RNF150: variants seen among roughly 807,000 people sequenced by gnomAD.
RNF150 encodes ring finger protein 150.
Under a neutral mutation model 39.3 loss-of-function variants are expected in RNF150, and 24 were observed. The ratio of observed to expected loss-of-function variants is 0.61; its 90% CI spans 0.44 to 0.86. The LOEUF is 0.86. RNF150 is among the 40% of genes least tolerant of loss of function. The pLI, the probability that RNF150 is intolerant of heterozygous loss-of-function variation, is 0.00. For synonymous variants in RNF150, 255 were observed against 227.3 expected (o/e 1.12, Z -1.10); for missense variants, 502 against 587.8 (o/e 0.85, Z 1.51).
intron 6 of RNF150, among the ~76,000 whole-genome samples, chr4:140,878,954 C>T (rs139405572): frequency 6.0e-4 from 91 of 152,216 alleles, no homozygotes; most frequent in African/African-American, 2.1e-3. Context: ...GATAAGGGTC[C>T]AATTACTTTC....
chr4:141,115,157 A>T (rs561489516), intron 1 of RNF150, among the ~76,000 whole-genome samples: 2 of 152,082 alleles, frequency 1.3e-5, no homozygotes, highest in African/African-American at 4.8e-5. Context: ...ATCAGGCAAG[A>T]AAAGAAATAA....
chr4:141,163,260 C>T (rs1727545610), intron 1 of RNF150, among the ~76,000 whole-genome samples: 1 of 152,226 alleles, frequency 6.6e-6, no homozygotes, highest in South Asian at 2.1e-4. Context: ...TAGATTCTTC[C>T]TCTCTGGGCA....
intron 1 of RNF150, among the ~76,000 whole-genome samples, chr4:141,022,913 C>A (rs1334704027): frequency 6.6e-6 from 1 of 152,184 alleles, no homozygotes; most frequent in Admixed American, 6.5e-5. Flanking sequence ...CAACTACTTT[C>A]CATCTAAATT....
At chr4:140,972,598 G>A (rs1034493800) in intron 1 of RNF150, among the ~76,000 whole-genome samples, 4 of 152,138 alleles carry the variant, frequency 2.6e-5, no homozygotes, top group African/African-American at 9.7e-5. Context: ...CCCTGCAGCT[G>A]GGTGTGGTGT....
chr4:140,877,699 T>C (rs1054594238), intron 6 of RNF150, among the ~76,000 whole-genome samples: 1 of 152,170 alleles, frequency 6.6e-6, no homozygotes, highest in Non-Finnish European at 1.5e-5. Flanking sequence ...TTTGTATCCA[T>C]AGAAATGTAA....
intron 1 of RNF150, among the ~76,000 whole-genome samples, chr4:141,054,603 A>G (rs72949012): frequency 0.03 from 4,538 of 152,222 alleles, 241 homozygotes; most frequent in African/African-American, 0.1. Flanking sequence ...CCTTTTAATT[A>G]GAGTAAAACT....
At chr4:141,065,289 A>G (rs1303728445) in intron 1 of RNF150, among the ~76,000 whole-genome samples, 2 of 152,198 alleles carry the variant, frequency 1.3e-5, no homozygotes, top group African/African-American at 4.8e-5. Flanking sequence ...GGCCACAAAC[A>G]TGCTATCTGT....
intron 1 of RNF150, among the ~76,000 whole-genome samples, chr4:141,180,325 C>T (rs2572238): frequency 0.37 from 56,939 of 152,022 alleles, 13,133 homozygotes; most frequent in Non-Finnish European, 0.5. Flanking sequence ...CCCCTTTAAC[C>T]AGGCATAAGG....
intron 5 of RNF150, among the ~76,000 whole-genome samples, chr4:140,914,118 T>C (rs1232350701): frequency 2.0e-5 from 3 of 152,248 alleles, no homozygotes; most frequent in African/African-American, 7.2e-5. Context: ...TTAATTTTGA[T>C]GCAGTTTTTT....
At chr4:141,127,501 C>T (rs112945177) in intron 1 of RNF150, among the ~76,000 whole-genome samples, 35 of 152,274 alleles carry the variant, frequency 2.3e-4, no homozygotes, top group African/African-American at 8.2e-4. Context: ...CATAGGTAGA[C>T]TTCAGCAATC....
At chr4:140,932,980 G>T (rs148437086) in intron 4 of RNF150, among the ~76,000 whole-genome samples, 7 of 152,328 alleles carry the variant, frequency 4.6e-5, no homozygotes, top group African/African-American at 1.7e-4. Flanking sequence ...GCCACTGAGA[G>T]TTGGGTTCGT....
chr4:141,034,612 G>A (rs1373604216), intron 1 of RNF150, among the ~76,000 whole-genome samples: 1 of 152,128 alleles, frequency 6.6e-6, no homozygotes, highest in East Asian at 1.9e-4. Context: ...GATTTAAAGT[G>A]AGAGACATAT....
At chr4:140,923,872 C>CA (rs1731268636) in intron 5 of RNF150, among the ~76,000 whole-genome samples, 2 of 149,744 alleles carry the variant, frequency 1.3e-5, no homozygotes, top group African/African-American at 2.5e-5. Flanking sequence ...GTTGCAAGGA[C>CA]AAAAAACCAA....
chr4:141,132,257 G>C lies in RNF150; in HGVS notation c.484+68C>G. ...CTTCCCAGAAGGAGCCTGGAGGCAG[G>C]CGCTGGATCCCTCTAGGCACCTCCG... On this transcript the variant is annotated intron_variant, in intron 1 of 6. Coordinates refer to ENST00000515673, the MANE Select transcript of RNF150 (RefSeq NM_020724.2). The surrounding 1 kb of genome is among the most constrained non-coding windows in gnomAD (Gnocchi z 4.9). The C allele has an allele frequency of 6.7e-7, 1 of 1,494,744 alleles. No individual in the cohort carries two copies. The highest frequency in any genetic ancestry group is 9.1e-7 in the Non-Finnish European group (1 of 1,103,694). 92.6% of individuals were successfully genotyped at this position (1,494,744 alleles called of 1,614,324 possible).
chr4:141,027,912 G>GTTT (rs749317137), intron 1 of RNF150, among the ~76,000 whole-genome samples: 337 of 27,086 alleles, frequency 0.012, 76 homozygotes, highest in Non-Finnish European at 0.02. Flanking sequence ...CTTGGAATTT[G>GTTT]TTTTTTTTTT....
At chr4:140,992,602 T>C (rs1384048659) in intron 1 of RNF150, among the ~76,000 whole-genome samples, 1 of 152,074 alleles carries the variant, frequency 6.6e-6, no homozygotes, top group East Asian at 1.9e-4. Flanking sequence ...TGTCATAGTG[T>C]CCTCTACCTT....
chr4:141,060,479 T>G (rs1404227802), intron 1 of RNF150, among the ~76,000 whole-genome samples: 1 of 152,030 alleles, frequency 6.6e-6, no homozygotes, highest in Non-Finnish European at 1.5e-5. Flanking sequence ...AAAAGAAAAT[T>G]TATTTTGGCT....
chr4:141,049,473 T>C (rs2110885189), intron 1 of RNF150, among the ~76,000 whole-genome samples: 1 of 151,996 alleles, frequency 6.6e-6, no homozygotes, highest in African/African-American at 2.4e-5. Context: ...ATGGTTACTA[T>C]CAAAACTTCA....
At chr4:141,148,017 T>C (rs183055) in intron 1 of RNF150, among the ~76,000 whole-genome samples, 135,898 of 152,134 alleles carry the variant, frequency 0.89, 62,650 homozygotes, top group Non-Finnish European at 1. Context: ...AATATTTTCT[T>C]GTGTCTTTCC....
Sources: allele counts gnomAD v4.1 joint callset (sites outside exome capture counted in the v4.1 genomes callset), GRCh38; gene constraint gnomAD v4.1.1; non-coding constraint Gnocchi (gnomAD v3.1); transcripts MANE v1.5; gene names NCBI Gene and HGNC (gene_info 2026-07-23, HGNC 2026-07-21).